Variants in DLGAP2 observed in about 807,000 individuals in gnomAD.
The protein encoded by DLGAP2 is disks large-associated protein 2.
Under a neutral mutation model 100.3 loss-of-function variants are expected in DLGAP2, and 26 were observed. The observed-to-expected ratio is 0.26, with a 90% CI of 0.19 to 0.36. The LOEUF is 0.36. Ranked by LOEUF, DLGAP2 falls within the 10% of genes least tolerant of loss-of-function variation. The pLI is 1.00. For synonymous variants in DLGAP2, 886 were observed against 630.1 expected (o/e 1.41, Z -6.08); for missense variants, 1,858 against 1,453.2 (o/e 1.28, Z -4.53).
At chr8:1,583,797 C>T (rs1304986625) in intron 6 of DLGAP2, among the ~76,000 whole-genome samples, 1 of 152,132 alleles carries the variant, frequency 6.6e-6, no homozygotes, top group Admixed American at 6.5e-5. Flanking sequence ...GTTTGAGACC[C>T]TCCACGCGCT....
chr8:1,692,446 G>A (rs972715044), intron 13 of DLGAP2, among the ~76,000 whole-genome samples: 1 of 150,412 alleles, frequency 6.6e-6, no homozygotes, highest in Non-Finnish European at 1.5e-5. Flanking sequence ...ACGCGGTACC[G>A]AGGCAGGGAG....
intron 2 of DLGAP2, among the ~76,000 whole-genome samples, chr8:1,230,980 A>G (rs917375506): frequency 1.3e-5 from 2 of 152,192 alleles, no homozygotes; most frequent in African/African-American, 4.8e-5. Context: ...CTTGAAAGCA[A>G]CTGCAACAAA....
chr8:1,492,123 C>T (rs1799407093), intron 3 of DLGAP2, among the ~76,000 whole-genome samples: 1 of 152,194 alleles, frequency 6.6e-6, no homozygotes. Context: ...AAAAATTCTG[C>T]AGACTTTAGG....
intron 3 of DLGAP2, among the ~76,000 whole-genome samples, chr8:1,495,488 C>T (rs1031080795): frequency 6.6e-6 from 1 of 152,206 alleles, no homozygotes; most frequent in African/African-American, 2.4e-5. Context: ...TGCTGAGGGG[C>T]CGCCATCATG....
intron 2 of DLGAP2, among the ~76,000 whole-genome samples, chr8:1,004,497 C>T (rs1287253293): frequency 1.1e-4 from 16 of 152,124 alleles, no homozygotes. Context: ...TAGAGTCGGC[C>T]ACAATCAGGG....
chr8:1,589,718 A>T (rs529384774), intron 6 of DLGAP2, among the ~76,000 whole-genome samples: 5 of 152,296 alleles, frequency 3.3e-5, no homozygotes, highest in African/African-American at 7.2e-5. Flanking sequence ...TTTAAAGAAG[A>T]TGTACAGTAA....
chr8:1,418,329 G>A lies in DLGAP2; in HGVS notation c.107-83037G>A, dbSNP rs144850966. 2.0e-5 allele frequency among the ~76,000 whole-genome samples: 3 copies of A among 152,238 alleles called. No homozygotes were observed. In the East Asian group the frequency reaches 5.8e-4, roughly 29 times the overall value. ...CTTCACTTTAGATGGCCTCAAACATGAAAATATTCAACTTTAGATATTTAT... is the reference window on the plus strand; with the variant it reads ...CTTCACTTTAGATGGCCTCAAACATAAAAATATTCAACTTTAGATATTTAT... On this transcript the variant is annotated intron_variant, in intron 3 of 14. Transcript: ENST00000637795.
intron 2 of DLGAP2, among the ~76,000 whole-genome samples, chr8:1,168,248 A>G (rs1022235683): frequency 3.7e-4 from 57 of 152,044 alleles, no homozygotes; most frequent in African/African-American, 1.2e-3. Context: ...TCCATGGTGT[A>G]TAGGTGCCAC....
intron 6 of DLGAP2, among the ~76,000 whole-genome samples, chr8:1,599,617 A>G (rs1482487346): frequency 1.3e-5 from 2 of 152,130 alleles, no homozygotes; most frequent in African/African-American, 4.8e-5. Context: ...TGATCCCTTT[A>G]CGATTATGTG....
chr8:1,574,264 A>T (rs1039240226), intron 6 of DLGAP2, among the ~76,000 whole-genome samples: 5 of 152,152 alleles, frequency 3.3e-5, no homozygotes, highest in African/African-American at 1.2e-4. Context: ...TATGGGGGGT[A>T]ACGTGAGACA....
intron 3 of DLGAP2, among the ~76,000 whole-genome samples, chr8:1,347,555 C>G (rs530772636): frequency 2.6e-5 from 4 of 152,058 alleles, no homozygotes; most frequent in Non-Finnish European, 5.9e-5. Context: ...GGTTTTGTTC[C>G]TACACAGAGC....
intron 2 of DLGAP2, among the ~76,000 whole-genome samples, chr8:1,098,752 C>A (rs1804481559): frequency 7.3e-6 from 1 of 136,206 alleles, no homozygotes; most frequent in South Asian, 2.3e-4. Flanking sequence ...GGCTCCCGGC[C>A]GCCCACGGGC....
intron 3 of DLGAP2, among the ~76,000 whole-genome samples, chr8:1,333,100 G>C (rs1401514460): frequency 6.6e-6 from 1 of 152,132 alleles, no homozygotes; most frequent in Non-Finnish European, 1.5e-5. Flanking sequence ...GCCTCCGGGC[G>C]GTCTGTTCCT....
intron 2 of DLGAP2, among the ~76,000 whole-genome samples, chr8:988,932 C>T (rs1274187078): frequency 6.6e-6 from 1 of 152,242 alleles, no homozygotes; most frequent in East Asian, 1.9e-4. Flanking sequence ...GGTGCCTCTC[C>T]ACATGCTGTG....
intron 3 of DLGAP2, among the ~76,000 whole-genome samples, chr8:1,382,283 T>A (rs1428667047): frequency 6.6e-6 from 1 of 152,246 alleles, no homozygotes; most frequent in African/African-American, 2.4e-5. Context: ...ACAGAGGCCT[T>A]CATCCCCGTC....
At chr8:1,161,478 G>C (rs548576206) in intron 2 of DLGAP2, among the ~76,000 whole-genome samples, 1 of 152,228 alleles carries the variant, frequency 6.6e-6, no homozygotes, top group African/African-American at 2.4e-5. Context: ...TGGCCTAAGA[G>C]TGAGGGACAA....
At chr8:1,668,284 C>A in intron 8 of DLGAP2, 45 bp from the exon 9 acceptor site, 1 of 1,434,558 alleles carries the variant, frequency 7.0e-7, no homozygotes, top group Non-Finnish European at 9.2e-7. Context: ...CACAGGCTGA[C>A]GGGGAAGAAC....
At chr8:1,618,325 A>G (rs1797223165) in intron 6 of DLGAP2, among the ~76,000 whole-genome samples, 1 of 152,246 alleles carries the variant, frequency 6.6e-6, no homozygotes, top group Non-Finnish European at 1.5e-5. Flanking sequence ...CATAATGAAT[A>G]ATTGGAAAAT....
chr8:1,678,509 T>A lies in DLGAP2; in HGVS notation c.2584T>A (p.Ser862Thr), dbSNP rs770990636. Residue 862 changes from serine (S) to threonine (T), a missense_variant, in exon 12 of 15, where the codon TCT becomes ACT. Transcript: ENST00000637795. ...CGACACGGTAGAGACTGGGAGGATG[T>A]CTCCGTGCCGCAGGGATGGCTCGTG... is the stretch of plus-strand genomic sequence containing the variant. Reference protein sequence around the residue: ...AIDTVETGRMSPCRRDGSWFL... With the variant: ...AIDTVETGRMTPCRRDGSWFL... 1.2e-6 allele frequency: 2 copies of A among 1,610,332 alleles called. No individual in the cohort carries two copies. The highest frequency in any genetic ancestry group is 2.2e-5 in the East Asian group (1 of 44,722).
Sources: gnomAD v4.1 joint callset for allele counts (sites outside exome capture counted in the v4.1 genomes callset) on GRCh38, gnomAD v4.1.1 for gene constraint, MANE v1.5 for transcripts, NCBI Gene and HGNC (gene_info 2026-07-23, HGNC 2026-07-21) for gene names.